C1orf21: variants seen among roughly 807,000 people sequenced by gnomAD.
The protein encoded by C1orf21 is uncharacterized protein C1orf21.
Under a neutral mutation model 18.7 loss-of-function variants are expected in C1orf21, and 3 were observed. That is an observed-to-expected ratio of 0.16 (90% CI 0.07 to 0.42). C1orf21 has a LOEUF of 0.42. Among genes scored for constraint, C1orf21 ranks in the 10% least tolerant of loss-of-function variants. The pLI, the probability that C1orf21 is intolerant of heterozygous loss-of-function variation, is 0.99. For synonymous variants in C1orf21, 41 were observed against 46.4 expected (o/e 0.88, Z 0.47); for missense variants, 104 against 143.6 (o/e 0.72, Z 1.41).
At chr1:184,434,251 C>G (rs1185916108) in intron 1 of C1orf21, among the ~76,000 whole-genome samples, 1 of 151,762 alleles carries the variant, frequency 6.6e-6, no homozygotes, top group Non-Finnish European at 1.5e-5. Flanking sequence ...TACCAGGTGA[C>G]TGCTGAGCAC....
chr1:184,513,514 A>G (rs1373012460), intron 3 of C1orf21, among the ~76,000 whole-genome samples: 1 of 152,254 alleles, frequency 6.6e-6, no homozygotes, highest in East Asian at 1.9e-4. Flanking sequence ...TCACTAGAAC[A>G]GTGGATACCC....
At chr1:184,400,428 T>C (rs1057205800) in intron 1 of C1orf21, among the ~76,000 whole-genome samples, 1 of 152,178 alleles carries the variant, frequency 6.6e-6, no homozygotes, top group African/African-American at 2.4e-5. Flanking sequence ...AGGTATGATA[T>C]ATATGTATAT....
At chr1:184,565,637 G>A (rs144911918) in intron 3 of C1orf21, among the ~76,000 whole-genome samples, 1 of 152,312 alleles carries the variant, frequency 6.6e-6, no homozygotes, top group African/African-American at 2.4e-5. Flanking sequence ...GATTGGCATT[G>A]GAATTATAAA....
intron 2 of C1orf21, among the ~76,000 whole-genome samples, chr1:184,502,399 G>A (rs775244068): frequency 6.6e-6 from 1 of 152,032 alleles, no homozygotes; most frequent in Non-Finnish European, 1.5e-5. Context: ...CAATACCACC[G>A]TCATGGGAAT....
At chr1:184,458,381 T>A (rs2101982601) in intron 1 of C1orf21, among the ~76,000 whole-genome samples, 1 of 152,302 alleles carries the variant, frequency 6.6e-6, no homozygotes, top group South Asian at 2.1e-4. Flanking sequence ...TAGGTAGGGG[T>A]AGAAGGTTTG....
intron 3 of C1orf21, among the ~76,000 whole-genome samples, chr1:184,589,058 A>G (rs993710293): frequency 2.0e-5 from 3 of 152,210 alleles, no homozygotes; most frequent in Non-Finnish European, 4.4e-5. Flanking sequence ...AAATAAATGG[A>G]ATATAAACAA....
chr1:184,391,880 G>T (rs1212810228), intron 1 of C1orf21, among the ~76,000 whole-genome samples: 1 of 152,000 alleles, frequency 6.6e-6, no homozygotes, highest in African/African-American at 2.4e-5. Flanking sequence ...GCTAATTTTT[G>T]TATTTTTAGT....
chr1:184,528,434 CT>C (rs1213900238), intron 3 of C1orf21, among the ~76,000 whole-genome samples: 1 of 151,728 alleles, frequency 6.6e-6, no homozygotes, highest in Non-Finnish European at 1.5e-5. Flanking sequence ...TATCATTTTC[CT>C]TCTTTTCTTT....
At chr1:184,519,616 G>A (rs977176906) in intron 3 of C1orf21, among the ~76,000 whole-genome samples, 3 of 152,188 alleles carry the variant, frequency 2.0e-5, no homozygotes, top group Admixed American at 6.5e-5. Context: ...CAATAACACA[G>A]TGGTGTTACT....
chr1:184,584,404 G>A (rs566463074), intron 3 of C1orf21, among the ~76,000 whole-genome samples: 5 of 152,220 alleles, frequency 3.3e-5, no homozygotes, highest in African/African-American at 9.6e-5. Flanking sequence ...GACAGTAGTT[G>A]AAAAGACAAT....
At chr1:184,576,033 T>A (rs1659184641) in intron 3 of C1orf21, among the ~76,000 whole-genome samples, 1 of 152,138 alleles carries the variant, frequency 6.6e-6, no homozygotes, top group Admixed American at 6.5e-5. Flanking sequence ...CTGAATCCAG[T>A]CAGGCCCAAG....
At chr1:184,592,478 T>G (rs1046539059) in intron 4 of C1orf21, among the ~76,000 whole-genome samples, 2 of 152,182 alleles carry the variant, frequency 1.3e-5, no homozygotes, top group Non-Finnish European at 2.9e-5. Flanking sequence ...ACCTTAATGA[T>G]AAAATATATT....
At chr1:184,526,143 G>A (rs1172938310) in intron 3 of C1orf21, among the ~76,000 whole-genome samples, 1 of 152,152 alleles carries the variant, frequency 6.6e-6, no homozygotes, top group Non-Finnish European at 1.5e-5. Context: ...GGAATGGAGT[G>A]TGCTGATCAT....
intron 1 of C1orf21, among the ~76,000 whole-genome samples, chr1:184,420,384 A>C (rs1656528003): frequency 6.6e-6 from 1 of 152,144 alleles, no homozygotes; most frequent in Admixed American, 6.5e-5. Flanking sequence ...GTTGGCTCTG[A>C]CATTTTATTA....
At chr1:184,547,567 C>T (rs987076387) in intron 3 of C1orf21, among the ~76,000 whole-genome samples, 1 of 151,998 alleles carries the variant, frequency 6.6e-6, no homozygotes, top group Non-Finnish European at 1.5e-5. Context: ...TCCTTCCCCA[C>T]GAAGCAGTGT....
intron 1 of C1orf21, among the ~76,000 whole-genome samples, chr1:184,458,189 C>G (rs944051414): frequency 1.3e-5 from 2 of 152,124 alleles, no homozygotes; most frequent in African/African-American, 4.8e-5. Context: ...GGATACGTGA[C>G]TAAGGGGACT....
intron 3 of C1orf21, among the ~76,000 whole-genome samples, chr1:184,561,744 A>G (rs1658968487): frequency 6.6e-6 from 1 of 152,054 alleles, no homozygotes; most frequent in African/African-American, 2.4e-5. Context: ...CAGCCTCCCA[A>G]GTAGGCGGGA....
intron 3 of C1orf21, among the ~76,000 whole-genome samples, chr1:184,516,924 T>C (rs1658239041): frequency 6.6e-6 from 1 of 152,232 alleles, no homozygotes; most frequent in Non-Finnish European, 1.5e-5. Flanking sequence ...TTTGGAGCAG[T>C]GGCATCCAGT....
At chr1:184,439,249 T>C (rs1656907941) in intron 1 of C1orf21, among the ~76,000 whole-genome samples, 1 of 151,986 alleles carries the variant, frequency 6.6e-6, no homozygotes, top group Admixed American at 6.6e-5. Context: ...CTGTTCTTTT[T>C]CTGTCCCTAT....
Sources: gnomAD v4.1 joint callset for allele counts (sites outside exome capture counted in the v4.1 genomes callset) on GRCh38, gnomAD v4.1.1 for gene constraint, MANE v1.5 for transcripts, NCBI Gene and HGNC (gene_info 2026-07-23, HGNC 2026-07-21) for gene names.